The following ZNF529 variants were observed in gnomAD, a reference collection of about 807,000 sequenced individuals.
The protein encoded by ZNF529 is zinc finger protein 529.
A neutral mutation model predicts 10.1 loss-of-function variants in ZNF529; 11 were observed. The observed-to-expected ratio is 1.09, with a 90% CI of 0.69 to 1.81. ZNF529 has a LOEUF of 1.81. Ranked by LOEUF, ZNF529 falls within the 40% of genes most tolerant of loss-of-function variation. The pLI is 0.00. For synonymous variants in ZNF529, 204 were observed against 215.7 expected, an observed-to-expected ratio of 0.95 and a Z score of 0.47; for missense variants, 624 against 666.8, an observed-to-expected ratio of 0.94 and a Z score of 0.71.
At chr19:36,575,812 ACT>A, upstream of ZNF529, among the ~76,000 whole-genome samples, 1 of 151,312 alleles carries the variant, frequency 6.6e-6, no homozygotes, top group South Asian at 2.1e-4. Flanking sequence ...TATTATAGAA[ACT>A]CTAAGAGGTT....
upstream of ZNF529, chr19:36,577,256 G>C (rs147123424): frequency 7.1e-6 from 3 of 425,384 alleles, no homozygotes; most frequent in Non-Finnish European, 1.4e-5. Context: ...CACCGTGCCC[G>C]GCCCTACTTT....
chr19:36,572,763 T>A (rs1325353539), intron 1 of ZNF529, among the ~76,000 whole-genome samples: 1 of 152,118 alleles, frequency 6.6e-6, no homozygotes, highest in African/African-American at 2.4e-5. Context: ...CATTTATCTA[T>A]CTTCTATATA....
chr19:36,550,018 A>T (rs902716235), intron 4 of ZNF529, among the ~76,000 whole-genome samples: 1 of 152,210 alleles, frequency 6.6e-6, no homozygotes, highest in Non-Finnish European at 1.5e-5. Context: ...ACTTTGTAGC[A>T]AAGGATTTTA....
At chr19:36,554,890 C>G in intron 3 of ZNF529, 94 bp from the exon 4 acceptor site, 1 of 1,191,134 alleles carries the variant, frequency 8.4e-7, no homozygotes, top group Non-Finnish European at 1.1e-6. Flanking sequence ...GGGGATTGGA[C>G]AGTAAACAAG....
Position 36,547,446 on chromosome 19 carries a change from C to G in ZNF529, c.1112G>C (p.Cys371Ser), listed in dbSNP as rs150669805. ...TCTACATACTCCAAAAGCCTTCCCA[C>G]ATTCCTTACATGCATAAGGTTTCTC... ...TGEKPYACKECGKAFGVCREL... is the reference protein window; with the variant it reads ...TGEKPYACKESGKAFGVCREL... Residue 371 changes from cysteine (C) to serine (S), a missense_variant, in exon 5 of 5, where the codon TGT (cysteine) becomes TCT (serine). By Grantham distance (112) the Cys-to-Ser change is moderately radical. Coordinates refer to ENST00000591340, the MANE Select transcript of ZNF529 (RefSeq NM_020951.5). 28 of 1,614,016 alleles carry G rather than the reference C, an allele frequency of 1.7e-5. No homozygotes were observed. The highest frequency in any genetic ancestry group is 2.4e-5 in the Non-Finnish European group (28 of 1,179,918).
intron 2 of ZNF529, among the ~76,000 whole-genome samples, chr19:36,584,070 TCA>T (rs1326258117): frequency 6.6e-6 from 1 of 151,156 alleles, no homozygotes; most frequent in Non-Finnish European, 1.5e-5. Context: ...CCTAGACACA[TCA>T]CAGTGATAAT....
chr19:36,554,226 A>C (rs2145802991), intron 4 of ZNF529, among the ~76,000 whole-genome samples: 1 of 152,366 alleles, frequency 6.6e-6, no homozygotes, highest in East Asian at 1.9e-4. Flanking sequence ...TGGAGATGTC[A>C]TTTGCAACAC....
At position 36,572,924 on chromosome 19, in the gene ZNF529, C is replaced by CA. The variant is rs200568998; in HGVS notation, c.-47+215dup. The CA allele has an allele frequency of 7.8e-3, 1,039 of 134,006 alleles. 22 individuals are homozygous for CA. The highest frequency in any genetic ancestry group is 0.041 in the Admixed American group (583 of 14,184). The allele number at this position is 134,006 out of a possible 1,614,324, so 8.3% of individuals were successfully genotyped here. Reference sequence around the variant, plus strand: ...GGAAAAAAACGAACAAACAAACAAACAAAAAAAAACAAAAAAACACTTCTA... The same window carrying CA: ...GGAAAAAAACGAACAAACAAACAAACAAAAAAAAAACAAAAAAACACTTCTA... On this transcript the variant is annotated intron_variant, in intron 1 of 4. Coordinates refer to ENST00000591340, the MANE Select transcript of ZNF529 (RefSeq NM_020951.5).
chr19:36,564,518 G>A (rs1049827425), intron 2 of ZNF529, among the ~76,000 whole-genome samples: 1 of 152,158 alleles, frequency 6.6e-6, no homozygotes, highest in Non-Finnish European at 1.5e-5. Flanking sequence ...CTAATCATCA[G>A]AGAAATGCAA....
At chr19:36,559,377 C>A (rs900919992) in intron 2 of ZNF529, among the ~76,000 whole-genome samples, 1 of 152,246 alleles carries the variant, frequency 6.6e-6, no homozygotes, top group Non-Finnish European at 1.5e-5. Context: ...GCCACAATCT[C>A]GGTTCACTGC....
At chr19:36,589,074 G>C (rs968601091) in intron 2 of ZNF529, among the ~76,000 whole-genome samples, 23 of 151,800 alleles carry the variant, frequency 1.5e-4, no homozygotes, top group South Asian at 1.0e-3. Flanking sequence ...CTCCCAAGTA[G>C]CTAGGACTAC....
At chr19:36,559,630 T>C (rs1406772817) in intron 2 of ZNF529, among the ~76,000 whole-genome samples, 1 of 152,194 alleles carries the variant, frequency 6.6e-6, no homozygotes, top group African/African-American at 2.4e-5. Context: ...GAAGAGATAT[T>C]TGCAGTCCTT....
intron 2 of ZNF529, 95 bp from the exon 3 acceptor site, chr19:36,556,292 G>A: frequency 1.5e-6 from 1 of 681,556 alleles, no homozygotes; most frequent in Non-Finnish European, 2.7e-6. Flanking sequence ...TAGTTTAAGA[G>A]AATCTCAAAA....
At chr19:36,568,817 A>G (rs1474929154) in intron 2 of ZNF529, among the ~76,000 whole-genome samples, 1 of 152,164 alleles carries the variant, frequency 6.6e-6, no homozygotes, top group African/African-American at 2.4e-5. Flanking sequence ...TCAGGCAGGT[A>G]AAGGCCACAA....
At chr19:36,584,778 A>G (rs952336918) in intron 2 of ZNF529, among the ~76,000 whole-genome samples, 19 of 152,082 alleles carry the variant, frequency 1.2e-4, no homozygotes, top group Admixed American at 6.6e-5. Flanking sequence ...AAAAAAAAAA[A>G]AAAGAAAGAA....
intron 2 of ZNF529, among the ~76,000 whole-genome samples, chr19:36,561,933 T>G (rs570721423): frequency 1.3e-5 from 2 of 152,344 alleles, no homozygotes; most frequent in East Asian, 3.9e-4. Flanking sequence ...TTATCTGTTT[T>G]GGAATAGAAA....
chr19:36,589,077 AGG>A, intron 2 of ZNF529, among the ~76,000 whole-genome samples: 1 of 152,080 alleles, frequency 6.6e-6, no homozygotes, highest in African/African-American at 2.4e-5. Context: ...CCAAGTAGCT[AGG>A]ACTACACAGG....
upstream of ZNF529, among the ~76,000 whole-genome samples, chr19:36,575,817 A>C (rs2036301584): frequency 6.6e-6 from 1 of 151,994 alleles, no homozygotes; most frequent in Non-Finnish European, 1.5e-5. Context: ...TAGAAACTCT[A>C]AGAGGTTTCA....
At chr19:36,587,045 A>G (rs2036594746) in intron 2 of ZNF529, among the ~76,000 whole-genome samples, 1 of 152,118 alleles carries the variant, frequency 6.6e-6, no homozygotes, top group South Asian at 2.1e-4. Flanking sequence ...CAGGTGGATC[A>G]CTTAAGGTCA....
Sources: allele counts gnomAD v4.1 joint callset (sites outside exome capture counted in the v4.1 genomes callset), GRCh38; gene constraint gnomAD v4.1.1; transcripts MANE v1.5; gene names NCBI Gene and HGNC (gene_info 2026-07-23, HGNC 2026-07-21).